The following PDE8A variants were observed in gnomAD, a reference collection of about 807,000 sequenced individuals.
The protein encoded by PDE8A is high affinity cAMP-specific and IBMX-insensitive 3',5'-cyclic phosphodiesterase 8A.
Under a neutral mutation model 105.0 loss-of-function variants are expected in PDE8A, and 59 were observed. The ratio of observed to expected loss-of-function variants is 0.56; its 90% confidence interval spans 0.46 to 0.70. The LOEUF (loss-of-function observed/expected upper bound fraction) is 0.70, where lower values mean the gene tolerates loss of function less well. Ranked by LOEUF, PDE8A falls within the 30% of genes least tolerant of loss-of-function variation. The probability of loss-of-function intolerance (pLI) is 0.00; values close to 1 mark genes in which losing one functional copy is unlikely to be tolerated. For missense variants in PDE8A, 1,014 were observed against 1,045.9 expected, an observed-to-expected ratio of 0.97 and a Z score of 0.42; for synonymous variants, 355 against 371.9, an observed-to-expected ratio of 0.95 and a Z score of 0.52.
rs574781944 is a variant in PDE8A, at chr15:85,016,699, TTTTTC to T, written c.186+34356_186+34360del. On this transcript the variant is annotated intron_variant, in intron 1 of 21. Coordinates refer to ENST00000394553, the MANE Select transcript of PDE8A (RefSeq NM_002605.3). ...AGCTGTGGGAAGAAAACTCAAAGGT[TTTTTC>T]TTTTTATTGAGGTTGTATTATATTT... 8.5e-5 allele frequency among the ~76,000 whole-genome samples: 13 copies of T among 152,312 alleles called. No individual in the cohort carries two copies. The East Asian group carries it at 2.3e-3, about 27-fold the overall frequency.
At chr15:85,033,612 C>G (rs1181102823) in intron 1 of PDE8A, among the ~76,000 whole-genome samples, 1 of 152,160 alleles carries the variant, frequency 6.6e-6, no homozygotes, top group East Asian at 1.9e-4. Flanking sequence ...CACTTGTAAT[C>G]CCAGCACTTT....
At chr15:85,050,305 T>C (rs2080952961) in intron 1 of PDE8A, among the ~76,000 whole-genome samples, 1 of 152,166 alleles carries the variant, frequency 6.6e-6, no homozygotes. Context: ...ATGCACAAAA[T>C]TTTAAAATTT....
intron 1 of PDE8A, among the ~76,000 whole-genome samples, chr15:85,046,001 C>T (rs1039949060): frequency 6.6e-6 from 1 of 151,244 alleles, no homozygotes; most frequent in Non-Finnish European, 1.5e-5. Context: ...AAAAAGAGAT[C>T]GATCATATGA....
chr15:85,101,018 A>C (rs1390594786), intron 11 of PDE8A, among the ~76,000 whole-genome samples: 1 of 152,268 alleles, frequency 6.6e-6, no homozygotes, highest in African/African-American at 2.4e-5. Context: ...AATGTGTACA[A>C]GATACCTGTC....
chr15:85,094,702 C>G (rs1350242809), intron 8 of PDE8A, among the ~76,000 whole-genome samples: 1 of 152,166 alleles, frequency 6.6e-6, no homozygotes, highest in African/African-American at 2.4e-5. Flanking sequence ...TCCATCAAAT[C>G]CACAAGCATT....
chr15:85,041,431 A>G (rs1227511424), intron 1 of PDE8A, among the ~76,000 whole-genome samples: 1 of 152,182 alleles, frequency 6.6e-6, no homozygotes, highest in Non-Finnish European at 1.5e-5. Context: ...AGCCCCACAG[A>G]GGATGGTGCT....
At chr15:85,066,293 G>T (rs1010424254) in intron 2 of PDE8A, among the ~76,000 whole-genome samples, 3 of 152,082 alleles carry the variant, frequency 2.0e-5, no homozygotes, top group East Asian at 1.9e-4. Context: ...AGGTGCAGTG[G>T]CTCACACCTG....
chr15:85,082,685 A>G (rs1382596312), intron 5 of PDE8A, among the ~76,000 whole-genome samples: 1 of 152,224 alleles, frequency 6.6e-6, no homozygotes, highest in African/African-American at 2.4e-5. Flanking sequence ...CCTCTTAGGC[A>G]TCAGCTTCCT....
At position 85,126,313 on chromosome 15, in the gene PDE8A, G is replaced by C; in HGVS notation, c.2192G>C (p.Cys731Ser). The C allele has an allele frequency of 6.2e-7, 1 of 1,612,846 alleles. No individual in the cohort carries two copies. The highest frequency in any genetic ancestry group is 1.1e-5 in the South Asian group (1 of 90,912). ...AAATGTGCTGATGTGTCCAATCCCT[G>C]CCGACCCCTGCAGTACTGCATCGAG... Reference protein sequence around the residue: ...LIKCADVSNPCRPLQYCIEWA... With the variant: ...LIKCADVSNPSRPLQYCIEWA... Residue 731 changes from cysteine (C) to serine (S), a missense_variant, in exon 20 of 22, where the codon TGC becomes TCC. Coordinates refer to ENST00000394553, the MANE Select transcript of PDE8A (RefSeq NM_002605.3).
intron 1 of PDE8A, among the ~76,000 whole-genome samples, chr15:85,011,526 C>A (rs1164495922): frequency 1.3e-5 from 2 of 152,148 alleles, no homozygotes; most frequent in Non-Finnish European, 2.9e-5. Flanking sequence ...AATTATAAAA[C>A]ACTCAATAAA....
intron 5 of PDE8A, among the ~76,000 whole-genome samples, chr15:85,080,741 G>C (rs761747129): frequency 7.9e-5 from 12 of 152,110 alleles, no homozygotes; most frequent in Non-Finnish European, 1.5e-4. Context: ...TGTTATCATG[G>C]AGCTAACTTG....
chr15:85,115,475 C>A lies in PDE8A; in HGVS notation c.1387C>A (p.Leu463Ile). 1.3e-6 allele frequency: 2 copies of A among 1,519,164 alleles called. No homozygotes were observed. The highest frequency in any genetic ancestry group is 2.5e-5 in the South Asian group (2 of 79,274). 94.1% of individuals were successfully genotyped at this position (1,519,164 alleles called of 1,614,324 possible). A position where few individuals can be genotyped will look rare whatever the true frequency, so the allele number is the denominator to read the frequency against. Residue 463 changes from leucine (L) to isoleucine (I), a missense_variant, in exon 15 of 22, where the codon CTT becomes ATT. Transcript: ENST00000394553. ...AAGACTATCAGGGAATGAATATGTT[C>A]TTTCAACAAAAAGTAAGTTTTTCCT... ...LRRLSGNEYVLSTKNTQMVSS... is the reference protein window; with the variant it reads ...LRRLSGNEYVISTKNTQMVSS...
chr15:85,050,985 G>A (rs1487322900), intron 1 of PDE8A, among the ~76,000 whole-genome samples: 1 of 152,080 alleles, frequency 6.6e-6, no homozygotes, highest in African/African-American at 2.4e-5. Flanking sequence ...TAATTTTTCA[G>A]CAATATTTTG....
At chr15:85,121,882 G>A (rs981789119) in intron 18 of PDE8A, among the ~76,000 whole-genome samples, 2 of 152,148 alleles carry the variant, frequency 1.3e-5, no homozygotes, top group Non-Finnish European at 2.9e-5. Context: ...TACACAATAT[G>A]TGATCTTTTG....
intron 8 of PDE8A, among the ~76,000 whole-genome samples, chr15:85,091,901 CTTTT>C (rs563631633): frequency 2.3e-5 from 2 of 88,384 alleles, no homozygotes; most frequent in Non-Finnish European, 2.1e-5. Flanking sequence ...TTCTGCTGGA[CTTTT>C]TTTTTTTTTT....
At chr15:84,981,434 CG>C (rs2080657177), upstream of PDE8A, among the ~76,000 whole-genome samples, 1 of 152,200 alleles carries the variant, frequency 6.6e-6, no homozygotes, top group African/African-American at 2.4e-5. Flanking sequence ...TGCGCGCAGC[CG>C]TTTCTGCGCT....
At chr15:85,097,449 C>T (rs567729077) in intron 8 of PDE8A, among the ~76,000 whole-genome samples, 2 of 152,292 alleles carry the variant, frequency 1.3e-5, no homozygotes, top group South Asian at 4.1e-4. Flanking sequence ...GCTGTTATCT[C>T]ATCCTCCACA....
chr15:84,981,423 G>A (rs1224610444), upstream of PDE8A, among the ~76,000 whole-genome samples: 2 of 152,184 alleles, frequency 1.3e-5, no homozygotes, highest in Non-Finnish European at 2.9e-5. Flanking sequence ...CAACTCCTGG[G>A]TGCGCGCAGC....
chr15:85,075,500 GC>G (rs1464343519), intron 3 of PDE8A, among the ~76,000 whole-genome samples: 1 of 152,188 alleles, frequency 6.6e-6, no homozygotes, highest in African/African-American at 2.4e-5. Context: ...ACATAAACTT[GC>G]ATTTTCCTTT....
Sources: allele counts gnomAD v4.1 joint callset (sites outside exome capture counted in the v4.1 genomes callset), GRCh38; gene constraint gnomAD v4.1.1; transcripts MANE v1.5; gene names NCBI Gene and HGNC (gene_info 2026-07-23, HGNC 2026-07-21).